KIAA1549L: variants seen among roughly 807,000 people sequenced by gnomAD.
KIAA1549L encodes KIAA1549 like.
A neutral mutation model predicts 160.7 loss-of-function variants in KIAA1549L; 88 were observed. The ratio of observed to expected loss-of-function variants is 0.55; its 90% CI spans 0.46 to 0.65. The LOEUF is 0.65. KIAA1549L is among the 30% of genes least tolerant of loss of function. The pLI is 0.00. For synonymous variants in KIAA1549L, 950 were observed against 976.7 expected, an observed-to-expected ratio of 0.97 and a Z score of 0.51; for missense variants, 2,258 against 2,437.5, an observed-to-expected ratio of 0.93 and a Z score of 1.55.
chr11:33,573,794 A>G (rs979355423), intron 9 of KIAA1549L, among the ~76,000 whole-genome samples: 2 of 152,234 alleles, frequency 1.3e-5, no homozygotes, highest in Non-Finnish European at 2.9e-5. Context: ...ACTGTAGAAC[A>G]CTATGTAGGT....
chr11:33,585,707 A>G (rs1855791924), intron 11 of KIAA1549L, among the ~76,000 whole-genome samples: 1 of 152,178 alleles, frequency 6.6e-6, no homozygotes, highest in African/African-American at 2.4e-5. Flanking sequence ...CCAAAATTGT[A>G]CTAATCTGCC....
chr11:33,668,260 T>TC lies in KIAA1549L; in HGVS notation c.*107dup. 1 of 1,011,120 alleles carries TC rather than the reference T, an allele frequency of 9.9e-7. No individual in the cohort carries two copies. The allele number at this position is 1,011,120 out of a possible 1,614,324, so 62.6% of individuals were successfully genotyped here. ...TGAGACATAGCAATGGGTGAGTCTT[T>TC]CTCACCCTCCATTTCTGAAAAGGTG... On this transcript the variant is annotated 3_prime_UTR_variant, in exon 21 of 21. Coordinates refer to ENST00000658780, the MANE Select transcript of KIAA1549L (RefSeq NM_012194.3).
At chr11:33,611,528 G>C (rs760451764) in intron 15 of KIAA1549L, among the ~76,000 whole-genome samples, 1 of 152,066 alleles carries the variant, frequency 6.6e-6, no homozygotes, top group East Asian at 1.9e-4. Context: ...ACAAGCTATT[G>C]ATATCAAATC....
intron 1 of KIAA1549L, among the ~76,000 whole-genome samples, chr11:33,527,858 T>C (rs1421215520): frequency 1.3e-5 from 2 of 152,230 alleles, no homozygotes; most frequent in Non-Finnish European, 2.9e-5. Context: ...TGGCTGTGTC[T>C]CCACCCAAGT....
chr11:33,517,789 C>T (rs1194400210), intron 1 of KIAA1549L, among the ~76,000 whole-genome samples: 1 of 152,054 alleles, frequency 6.6e-6, no homozygotes, highest in East Asian at 1.9e-4. Flanking sequence ...TAAAAGGGCT[C>T]AGGCTCTTCT....
intron 1 of KIAA1549L, among the ~76,000 whole-genome samples, chr11:33,503,795 C>T (rs1853009397): frequency 6.6e-6 from 1 of 152,198 alleles, no homozygotes; most frequent in Non-Finnish European, 1.5e-5. Context: ...GCTTTTCTCA[C>T]CTCACAATTC....
chr11:33,642,070 T>C (rs1301043150), intron 16 of KIAA1549L, among the ~76,000 whole-genome samples: 1 of 152,142 alleles, frequency 6.6e-6, no homozygotes, highest in Non-Finnish European at 1.5e-5. Context: ...GGGATGTTTC[T>C]CTTCATGAGT....
At chr11:33,452,611 T>C (rs1851743615) in intron 1 of KIAA1549L, among the ~76,000 whole-genome samples, 1 of 148,354 alleles carries the variant, frequency 6.7e-6, no homozygotes, top group Admixed American at 6.6e-5. Flanking sequence ...CCATCTCAAA[T>C]AAATATGTAT....
chr11:33,574,864 C>T lies in KIAA1549L; in HGVS notation c.4393C>T (p.Gln1465Ter). 1 of 1,613,238 alleles carries T rather than the reference C, an allele frequency of 6.2e-7. No individual in the cohort carries two copies. The highest frequency in any genetic ancestry group is 8.5e-7 in the Non-Finnish European group (1 of 1,179,430). ...ALTLHHVVLLQADPVVKNPPN... is the reference protein window; with the variant it reads ...ALTLHHVVLL Reference sequence around the variant, plus strand: ...GACCCTTCATCACGTTGTCCTTCTGCAAGCTGACCGTAAGGGAATGGTCTT... The same window carrying T: ...GACCCTTCATCACGTTGTCCTTCTGTAAGCTGACCGTAAGGGAATGGTCTT... The change falls in exon 10 of 21, where the codon CAA becomes TAA. Residue 1465 changes from glutamine (Q) to a stop codon, truncating the protein, a stop_gained. Transcript: ENST00000658780. LOFTEE classifies it high-confidence loss of function.
In KIAA1549L at chr11:33,665,730, AGTCT is replaced by A. The variant is rs1222931984; in HGVS notation, c.6160-2135_6160-2132del. On this transcript the variant is annotated intron_variant, in intron 20 of 20. Coordinates refer to ENST00000658780, the MANE Select transcript of KIAA1549L (RefSeq NM_012194.3). ...GGAGACCCGCCCTCTTCCACCCAGGAGTCTGTCTGTCCGCCCCACCCCTTGCCAT... is the reference window on the plus strand; with the variant it reads ...GGAGACCCGCCCTCTTCCACCCAGGAGTCTGTCCGCCCCACCCCTTGCCAT... Among the ~76,000 whole-genome samples the A allele has an allele frequency of 2.0e-5, 3 of 152,106 alleles. 1 individual carries two copies. The highest frequency in any genetic ancestry group is 4.1e-4 in the South Asian group (2 of 4,832).
At chr11:33,592,276 C>T (rs1033797158) in intron 12 of KIAA1549L, among the ~76,000 whole-genome samples, 1 of 152,146 alleles carries the variant, frequency 6.6e-6, no homozygotes, top group Non-Finnish European at 1.5e-5. Flanking sequence ...AACGGGGAGC[C>T]ACTGAAAGGT....
chr11:33,520,446 T>A (rs1477595064), intron 1 of KIAA1549L, among the ~76,000 whole-genome samples: 6 of 150,608 alleles, frequency 4.0e-5, no homozygotes, highest in African/African-American at 1.5e-4. Flanking sequence ...AAAAAAAAGG[T>A]AGTTCATTGA....
intron 17 of KIAA1549L, among the ~76,000 whole-genome samples, chr11:33,649,706 T>C (rs371263708): frequency 5.9e-5 from 9 of 151,848 alleles, no homozygotes; most frequent in East Asian, 3.9e-4. Flanking sequence ...TATGCAGATA[T>C]ATCAGCTATG....
chr11:33,423,508 C>G (rs1209829022), intron 1 of KIAA1549L, among the ~76,000 whole-genome samples: 1 of 152,156 alleles, frequency 6.6e-6, no homozygotes. Context: ...TTATTCATGC[C>G]CTCATTGAAG....
At chr11:33,379,453 C>T (rs1429865656) in intron 1 of KIAA1549L, among the ~76,000 whole-genome samples, 5 of 152,140 alleles carry the variant, frequency 3.3e-5, no homozygotes, top group East Asian at 3.8e-4. Flanking sequence ...GTTTTGGATG[C>T]GGGAGGTTGG....
chr11:33,544,436 C>T lies in KIAA1549L; in HGVS notation c.2773+100C>T. 2.3e-6 allele frequency: 3 copies of T among 1,304,424 alleles called. No homozygotes were observed. In the South Asian group the frequency reaches 4.1e-5, roughly 18 times the overall value. 80.8% of individuals were successfully genotyped at this position (1,304,424 alleles called of 1,614,324 possible). On this transcript the variant is annotated intron_variant, in intron 2 of 20. Coordinates refer to ENST00000658780, the MANE Select transcript of KIAA1549L (RefSeq NM_012194.3). ...TCTTCAAGCTCAACGCAGATACCAG[C>T]TTTGCTCTGAAGGAGCTCATACCCC...
intron 1 of KIAA1549L, among the ~76,000 whole-genome samples, chr11:33,425,272 C>G (rs1159296978): frequency 6.6e-6 from 1 of 152,086 alleles, no homozygotes; most frequent in Non-Finnish European, 1.5e-5. Flanking sequence ...TCCTCAAGTC[C>G]TATTTTAAAA....
At chr11:33,382,541 G>A (rs1850092764) in intron 1 of KIAA1549L, among the ~76,000 whole-genome samples, 1 of 151,956 alleles carries the variant, frequency 6.6e-6, no homozygotes, top group Middle Eastern at 3.2e-3. Flanking sequence ...GCCAAGGGAG[G>A]GTTAAGATGA....
chr11:33,522,155 A>G (rs1303598490), intron 1 of KIAA1549L, among the ~76,000 whole-genome samples: 3 of 152,178 alleles, frequency 2.0e-5, no homozygotes, highest in Non-Finnish European at 4.4e-5. Flanking sequence ...TTGAGTTTGG[A>G]TGTTCTAAAG....
Sources: gnomAD v4.1 joint callset for allele counts (sites outside exome capture counted in the v4.1 genomes callset) on GRCh38, gnomAD v4.1.1 for gene constraint, MANE v1.5 for transcripts, NCBI Gene and HGNC (gene_info 2026-07-23, HGNC 2026-07-21) for gene names.